Variants in TENM3 observed in about 807,000 individuals in gnomAD.
TENM3 encodes teneurin-3.
Under a neutral mutation model 255.1 loss-of-function variants are expected in TENM3, and 63 were observed. That is an observed-to-expected ratio of 0.25 (90% CI 0.20 to 0.30). The LOEUF (loss-of-function observed/expected upper bound fraction) is 0.30, where lower values mean the gene tolerates loss of function less well. TENM3 is among the 10% of genes least tolerant of loss of function. The probability of loss-of-function intolerance (pLI) is 1.00; values close to 1 mark genes in which losing one functional copy is unlikely to be tolerated. For synonymous variants in TENM3, 1,306 were observed against 1,322.3 expected (o/e 0.99, Z 0.27); for missense variants, 2,929 against 3,461.1 (o/e 0.85, Z 3.86).
chr4:181,884,694 T>G, the TENM3 span, among the ~76,000 whole-genome samples: 1 of 152,350 alleles, frequency 6.6e-6, no homozygotes, highest in Non-Finnish European at 1.5e-5. Context: ...AAAAATAATC[T>G]AATCTTTTCA....
At chr4:182,462,255 G>A (rs532298843) in intron 3 of TENM3, among the ~76,000 whole-genome samples, 20 of 151,886 alleles carry the variant, frequency 1.3e-4, no homozygotes, top group Non-Finnish European at 2.5e-4. Flanking sequence ...ACTGAGTCTC[G>A]CTACGTTGCC....
chr4:182,078,556 C>T, the TENM3 span, among the ~76,000 whole-genome samples: 1 of 151,998 alleles, frequency 6.6e-6, no homozygotes, highest in Admixed American at 6.6e-5. Flanking sequence ...CAAAACTGGA[C>T]ATCCGAGTAT....
At chr4:181,612,124 A>T in the TENM3 span, among the ~76,000 whole-genome samples, 1 of 152,134 alleles carries the variant, frequency 6.6e-6, no homozygotes, top group Admixed American at 6.6e-5. Flanking sequence ...GTCCGCCCCC[A>T]GAGCCCCAGC....
chr4:182,468,138 G>C (rs1454723105), intron 3 of TENM3, among the ~76,000 whole-genome samples: 1 of 152,176 alleles, frequency 6.6e-6, no homozygotes, highest in African/African-American at 2.4e-5. Flanking sequence ...TGTAATCCCA[G>C]CACTTGGGGA....
At chr4:181,674,415 GAAAAA>G in the TENM3 span, among the ~76,000 whole-genome samples, 1 of 147,108 alleles carries the variant, frequency 6.8e-6, no homozygotes, top group South Asian at 2.2e-4. Context: ...CATGGTCTAT[GAAAAA>G]AAAAAAAACT....
chr4:182,736,740 C>A, intron 16 of TENM3, 68 bp from the exon 17 acceptor site: 1 of 1,373,782 alleles, frequency 7.3e-7, no homozygotes, highest in South Asian at 1.4e-5. Flanking sequence ...ATATGTGCTA[C>A]ATAAATATAT....
chr4:182,383,462 CAT>C (rs1231824675), intron 3 of TENM3, among the ~76,000 whole-genome samples: 1 of 151,084 alleles, frequency 6.6e-6, no homozygotes, highest in African/African-American at 2.4e-5. Flanking sequence ...TTTTAAAAAA[CAT>C]ATTTTTATTT....
At chr4:181,638,603 T>C in the TENM3 span, among the ~76,000 whole-genome samples, 1 of 152,202 alleles carries the variant, frequency 6.6e-6, no homozygotes, top group Non-Finnish European at 1.5e-5. Flanking sequence ...AAAAATTCAT[T>C]ATGAGAGCAG....
the TENM3 span, among the ~76,000 whole-genome samples, chr4:181,666,373 A>T: frequency 6.6e-6 from 1 of 152,198 alleles, no homozygotes; most frequent in Admixed American, 6.5e-5. Context: ...AAAAACTTCC[A>T]AAATTCATGA....
the TENM3 span, among the ~76,000 whole-genome samples, chr4:181,823,395 T>C: frequency 6.6e-6 from 1 of 152,126 alleles, no homozygotes; most frequent in Non-Finnish European, 1.5e-5. Context: ...ATGAAAGAGC[T>C]ACTGTGGAAG....
the TENM3 span, among the ~76,000 whole-genome samples, chr4:181,839,833 T>G: frequency 1.1e-4 from 17 of 151,980 alleles, no homozygotes; most frequent in Admixed American, 9.8e-4. Context: ...GTCTTTAGTA[T>G]CTTGCAGTTT....
chr4:182,419,135 A>T (rs1277401436), intron 3 of TENM3, among the ~76,000 whole-genome samples: 1 of 152,222 alleles, frequency 6.6e-6, no homozygotes, highest in Non-Finnish European at 1.5e-5. Context: ...TCCTGAACAC[A>T]TGATGCAGAC....
chr4:181,885,161 T>C, the TENM3 span, among the ~76,000 whole-genome samples: 6 of 152,226 alleles, frequency 3.9e-5, no homozygotes, highest in Non-Finnish European at 8.8e-5. Context: ...AGCAGCTACT[T>C]ACTTCCTGAG....
At chr4:182,187,077 A>C (rs995993264) in intron 1 of TENM3, among the ~76,000 whole-genome samples, 2 of 151,786 alleles carry the variant, frequency 1.3e-5, no homozygotes, top group Admixed American at 6.6e-5. Flanking sequence ...AAAGAAAAGC[A>C]GTTATTCAAA....
intron 4 of TENM3, among the ~76,000 whole-genome samples, chr4:182,618,789 T>C (rs1041115156): frequency 1.3e-5 from 2 of 152,182 alleles, no homozygotes; most frequent in Non-Finnish European, 2.9e-5. Flanking sequence ...AAATGAAATG[T>C]TATTTTTGCC....
chr4:181,467,125 A>AT, the TENM3 span, among the ~76,000 whole-genome samples: 60 of 17,622 alleles, frequency 3.4e-3, 3 homozygotes, highest in South Asian at 0.036. Context: ...ATATATATAT[A>AT]TTTTTTTTTT....
chr4:182,798,449 A>G (rs1766657357), intron 27 of TENM3, among the ~76,000 whole-genome samples: 1 of 152,232 alleles, frequency 6.6e-6, no homozygotes, highest in Non-Finnish European at 1.5e-5. Context: ...CATACAGCCT[A>G]CGTGTGCAGT....
intron 3 of TENM3, among the ~76,000 whole-genome samples, chr4:182,456,717 G>A (rs902992504): frequency 2.6e-5 from 4 of 152,138 alleles, no homozygotes; most frequent in African/African-American, 9.7e-5. Context: ...TTTAGAACAA[G>A]AATCAGTACA....
intron 12 of TENM3, among the ~76,000 whole-genome samples, chr4:182,689,778 G>T (rs892966899): frequency 3.3e-5 from 5 of 152,214 alleles, no homozygotes; most frequent in African/African-American, 4.8e-5. Flanking sequence ...CCTGTGGGCC[G>T]TATGCGGCCC....
Sources: gnomAD v4.1 joint callset for allele counts (sites outside exome capture counted in the v4.1 genomes callset) on GRCh38, gnomAD v4.1.1 for gene constraint, MANE v1.5 for transcripts, NCBI Gene and HGNC (gene_info 2026-07-23, HGNC 2026-07-21) for gene names.